The following MAP4K2 variants were observed in gnomAD, a reference collection of about 807,000 sequenced individuals.
MAP4K2 encodes B lymphocyte serine/threonine protein kinase.
Under a neutral mutation model 125.3 loss-of-function variants are expected in MAP4K2, and 85 were observed. The observed-to-expected ratio is 0.68, with a 90% CI of 0.57 to 0.81. MAP4K2 has a LOEUF of 0.81. MAP4K2 is among the 40% of genes least tolerant of loss of function. The probability of loss-of-function intolerance (pLI) is 0.00; values close to 1 mark genes in which losing one functional copy is unlikely to be tolerated. For missense variants in MAP4K2, 923 were observed against 1,056.4 expected (o/e 0.87, Z 1.75); for synonymous variants, 479 against 445.1 (o/e 1.08, Z -0.96).
At position 64,799,757 on chromosome 11, in the gene MAP4K2, C is replaced by G. The variant is rs114825979; in HGVS notation, c.916-74G>C. 1.2e-3 allele frequency: 1,408 copies of G among 1,222,134 alleles called. 13 individuals carry two copies. In the African/African-American group the frequency reaches 0.018, roughly 16 times the overall value. 75.7% of individuals were successfully genotyped at this position (1,222,134 alleles called of 1,614,324 possible). ...CCGGGGCTGCTCTAGGAGCTTCACA[C>G]GCACCAGTGCGTTTTGCTTTCATGA... On this transcript the variant is annotated intron_variant, in intron 12 of 31. Coordinates refer to ENST00000294066, the MANE Select transcript of MAP4K2 (RefSeq NM_004579.5).
chr11:64,790,224 G>A lies in MAP4K2; in HGVS notation c.2212C>T (p.Pro738Ser), dbSNP rs1243237252. 2.5e-6 allele frequency: 4 copies of A among 1,614,202 alleles called. No homozygotes were observed. The highest frequency in any genetic ancestry group is 2.2e-5 in the South Asian group (2 of 91,080). ...ATGGGGAAATCAAAGGTCAGCTCAG[G>A]TGCCAGTGTGGCCGTGGGCTCGCCC... ...MQGEPTATLA[P>S]ELTFDFPIET... The change falls in exon 29 of 32, where the codon CCT becomes TCT. Residue 738 changes from proline (P) to serine (S), a missense_variant. Pro to Ser is a moderately conservative substitution (Grantham distance 74). This residue lies in a region of MAP4K2 where 90 missense variants were observed against 144.9 expected (regional missense o/e 0.62). Coordinates refer to ENST00000294066, the MANE Select transcript of MAP4K2 (RefSeq NM_004579.5).
Position 64,791,904 on chromosome 11 carries a change from C to T in MAP4K2, c.2092+5G>A, listed in dbSNP as rs1272355519. On this transcript the variant is annotated splice_donor_5th_base_variant and intron_variant, in intron 27 of 31. Coordinates refer to ENST00000294066, the MANE Select transcript of MAP4K2 (RefSeq NM_004579.5). ...CACCCCCAGCAGCCTGGCCCTTCTG[C>T]TCACCAGGTGGGATGAGGATGTCGG... 8 of 1,570,692 alleles carry T rather than the reference C, an allele frequency of 5.1e-6. No individual in the cohort carries two copies. Among genetic ancestry groups the T allele is most frequent in the African/African-American group, 1.3e-5 (1 of 74,084 alleles).
At chr11:64,791,385 T>G (rs1940466302) in intron 27 of MAP4K2, among the ~76,000 whole-genome samples, 1 of 152,168 alleles carries the variant, frequency 6.6e-6, no homozygotes, top group African/African-American at 2.4e-5. Context: ...TGTTTTTGTT[T>G]TTGTTTTTTG....
In MAP4K2 at chr11:64,789,598, G is replaced by A. The variant is rs1940351572; in HGVS notation, c.2402C>T (p.Thr801Ile). ...GTTGCTGTGCGCCTCTGGGTTGTCA[G>A]TGGGAATGCTCTCCAGGATGATGTC... ...HRDIILESIP[T>I]DNPEAHSNLY... Residue 801 changes from threonine (T) to isoleucine (I), a missense_variant, in exon 32 of 32, where the codon ACT (threonine) becomes ATT (isoleucine). Thr to Ile is a moderately conservative substitution (Grantham distance 89). Coordinates refer to ENST00000294066, the MANE Select transcript of MAP4K2 (RefSeq NM_004579.5). 9 of 1,607,802 alleles carry A rather than the reference G, an allele frequency of 5.6e-6. No individual in the cohort carries two copies. Among genetic ancestry groups the A allele is most frequent in the African/African-American group, 1.3e-5 (1 of 74,882 alleles).
intron 10 of MAP4K2, 72 bp downstream of exon 10, chr11:64,800,692 G>C: frequency 1.9e-6 from 3 of 1,542,676 alleles, no homozygotes; most frequent in South Asian, 2.4e-5. Context: ...CCCCCCGGGA[G>C]TTGGCAGAGG....
chr11:64,799,380 AC>A, intron 14 of MAP4K2, 40 bp downstream of exon 14: 1 of 1,605,042 alleles, frequency 6.2e-7, no homozygotes, highest in South Asian at 1.1e-5. Flanking sequence ...TCCCTGCCCC[AC>A]CTCTGGGCAC....
chr11:64,802,084 G>C lies in MAP4K2; in HGVS notation c.348C>G (p.Val116=). ...CAGCTACCTTCAGTGCCTCTCGGCA[G>C]ACGTAGGCAATCTGCCGCTCCTCCA... ...GPLEERQIAY[V]CREALKGLHH... The change falls in exon 5 of 32, where the codon GTC becomes GTG. Residue 116 remains valine (V), a synonymous_variant. Transcript: ENST00000294066. The C allele has an allele frequency of 6.2e-7, 1 of 1,612,858 alleles. No individual in the cohort carries two copies. The highest frequency in any genetic ancestry group is 8.5e-7 in the Non-Finnish European group (1 of 1,179,944).
chr11:64,800,238 T>C, intron 11 of MAP4K2, 22 bp from the exon 12 acceptor site: 1 of 1,610,284 alleles, frequency 6.2e-7, no homozygotes, highest in Non-Finnish European at 8.5e-7. Flanking sequence ...GGGAGGGGGG[T>C]GATCAGGTTG....
intron 24 of MAP4K2, among the ~76,000 whole-genome samples, chr11:64,792,879 T>C (rs1486801850): frequency 1.3e-5 from 2 of 152,136 alleles, no homozygotes; most frequent in Admixed American, 1.3e-4. Context: ...TTTCCACCTA[T>C]TTTGAGTCAC....
Position 64,800,703 on chromosome 11 carries a change from CTGTT to C in MAP4K2, c.725+57_725+60del, listed in dbSNP as rs1401302765. Reference sequence around the variant, plus strand: ...GTTGCCCCCCGGGAGTTGGCAGAGGCTGTTTGTCCACTATGGGGCTGACAGAAAA... The same window carrying C: ...GTTGCCCCCCGGGAGTTGGCAGAGGCTGTCCACTATGGGGCTGACAGAAAA... On this transcript the variant is annotated intron_variant, in intron 10 of 31. Transcript: ENST00000294066. The C allele has an allele frequency of 1.9e-5, 30 of 1,551,336 alleles. No individual in the cohort carries two copies. In the Admixed American group the frequency reaches 3.9e-4, roughly 20 times the overall value.
chr11:64,790,238 G>A lies in MAP4K2; in HGVS notation c.2198C>T (p.Thr733Met), dbSNP rs145971059. 1.8e-5 allele frequency: 29 copies of A among 1,614,084 alleles called. No individual in the cohort carries two copies. Among genetic ancestry groups the A allele is most frequent in the Non-Finnish European group, 2.4e-5 (28 of 1,180,030 alleles). ...VRIVNMQGEP[T>M]ATLAPELTFD... ...GGTCAGCTCAGGTGCCAGTGTGGCC[G>A]TGGGCTCGCCCTGCATGTTGACAAT... The change falls in exon 29 of 32, where the codon ACG becomes ATG. Residue 733 changes from threonine (T) to methionine (M), a missense_variant. Thr to Met is a moderately conservative substitution (Grantham distance 81, BLOSUM62 -1). Coordinates refer to ENST00000294066, the MANE Select transcript of MAP4K2 (RefSeq NM_004579.5).
At chr11:64,794,579 C>T (rs1287436949) in intron 24 of MAP4K2, among the ~76,000 whole-genome samples, 3 of 152,142 alleles carry the variant, frequency 2.0e-5, no homozygotes, top group Admixed American at 6.5e-5. Context: ...AGGCTGGTCT[C>T]GAACTCCTGA....
rs531104914 is a variant in MAP4K2, at chr11:64,798,979, A to T, written c.1054-142T>A. 9.5e-6 allele frequency: 7 copies of T among 733,662 alleles called. No homozygotes were observed. In the South Asian group the frequency reaches 1.2e-4, roughly 13 times the overall value. 45.4% of individuals were successfully genotyped at this position (733,662 alleles called of 1,614,324 possible). A position where few individuals can be genotyped will look rare whatever the true frequency, so the allele number is the denominator to read the frequency against. ...TGGAAACACACAGAAGATGAGAGAG[A>T]CAGACAGTGGGAGGCAGAGCTGAAG... On this transcript the variant is annotated intron_variant, in intron 14 of 31. Transcript: ENST00000294066.
At chr11:64,791,765 A>C in intron 27 of MAP4K2, 144 bp downstream of exon 27, 1 of 824,918 alleles carries the variant, frequency 1.2e-6, no homozygotes, top group Non-Finnish European at 1.8e-6. Flanking sequence ...TGTGGGCCCC[A>C]GACCCCACAT....
In MAP4K2 at chr11:64,797,095, C is replaced by T. The variant is rs528415149; in HGVS notation, c.1365+9G>A. The T allele has an allele frequency of 6.2e-7, 1 of 1,614,060 alleles. No homozygotes were observed. Among genetic ancestry groups the T allele is most frequent in the Non-Finnish European group, 8.5e-7 (1 of 1,180,024 alleles). On this transcript the variant is annotated intron_variant, in intron 19 of 31. Coordinates refer to ENST00000294066, the MANE Select transcript of MAP4K2 (RefSeq NM_004579.5). ...CCCGTCTCCCCACCCCACTGTAGCA[C>T]CCTCTTACCTCAGGATCCTCCCGCT...
chr11:64,797,411 G>A (rs370566701), intron 17 of MAP4K2, 31 bp from the exon 18 acceptor site: 27 of 1,560,042 alleles, frequency 1.7e-5, no homozygotes, highest in African/African-American at 6.8e-5. Context: ...CAGCCCGGCC[G>A]TTACCAGGTT....
In MAP4K2 at chr11:64,797,682, G is replaced by A; in HGVS notation, c.1098-18C>T. On this transcript the variant is annotated intron_variant, in intron 15 of 31. Transcript: ENST00000294066. ...GCAGGCTCCTGGGCAGTGGGGAAAA[G>A]GGGTCAGAGGTCAACCTTTCCTTTT... 6.6e-7 allele frequency: 1 copy of A among 1,506,602 alleles called. No individual in the cohort carries two copies. Among genetic ancestry groups the A allele is most frequent in the Non-Finnish European group, 8.8e-7 (1 of 1,130,210 alleles). 93.3% of individuals were successfully genotyped at this position (1,506,602 alleles called of 1,614,324 possible). A position where few individuals can be genotyped will look rare whatever the true frequency, so the allele number is the denominator to read the frequency against.
At chr11:64,800,499 A>T in intron 10 of MAP4K2, 107 bp from the exon 11 acceptor site, 1 of 1,321,830 alleles carries the variant, frequency 7.6e-7, no homozygotes, top group South Asian at 1.3e-5. Context: ...GGGCCCACCC[A>T]GGAAGGAGCC....
intron 24 of MAP4K2, among the ~76,000 whole-genome samples, chr11:64,795,081 ATTT>A (rs141351266): frequency 1.2e-4 from 15 of 121,656 alleles, no homozygotes; most frequent in East Asian, 4.8e-4. Context: ...TAAGTTTTCG[ATTT>A]TTTTTTTTTT....
Sources: allele counts gnomAD v4.1 joint callset (sites outside exome capture counted in the v4.1 genomes callset), GRCh38; gene constraint gnomAD v4.1.1; regional missense constraint gnomAD v4.1.1; transcripts MANE v1.5; gene names NCBI Gene and HGNC (gene_info 2026-07-23, HGNC 2026-07-21).